MTAP: variants seen among roughly 807,000 people sequenced by gnomAD.
MTAP encodes methylthioadenosine phosphorylase.
Under a neutral mutation model 33.6 loss-of-function variants are expected in MTAP, and 33 were observed. The observed-to-expected ratio is 0.98, with a 90% CI of 0.74 to 1.31. MTAP has a LOEUF of 1.31. MTAP is among the 40% of genes most tolerant of loss of function. MTAP has a pLI of 0.00. For missense variants in MTAP, 367 were observed against 360.0 expected (o/e 1.02, Z -0.16); for synonymous variants, 148 against 125.7 (o/e 1.18, Z -1.19).
chr9:21,934,677 A>C (rs548858143), downstream of MTAP: 1 of 150,542 alleles, frequency 6.6e-6, no homozygotes, highest in Non-Finnish European at 1.5e-5. The surrounding 1 kb of genome is among the most constrained non-coding windows in gnomAD (Gnocchi z 5.0). Context: ...GCAAAAAAAC[A>C]AAAAAAAACA....
At chr9:21,832,787 T>TA (rs1199564797) in intron 4 of MTAP, among the ~76,000 whole-genome samples, 69 of 152,350 alleles carry the variant, frequency 4.5e-4, no homozygotes, top group African/African-American at 1.5e-3. Flanking sequence ...TAATCCCACT[T>TA]ACGGCATACA....
chr9:21,841,483 A>T (rs1825242837), intron 5 of MTAP, among the ~76,000 whole-genome samples: 2 of 152,276 alleles, frequency 1.3e-5, no homozygotes, highest in South Asian at 4.1e-4. Context: ...GAGAGCCAGC[A>T]CATTAAACAT....
chr9:21,830,377 T>A (rs1266668717), intron 4 of MTAP, among the ~76,000 whole-genome samples: 1 of 152,210 alleles, frequency 6.6e-6, no homozygotes, highest in Admixed American at 6.5e-5. Context: ...GCAGTAGGTT[T>A]CTTCAGTGCC....
chr9:21,919,318 C>G (rs1236292683), intron 1 of MTAP, among the ~76,000 whole-genome samples: 2 of 152,126 alleles, frequency 1.3e-5, no homozygotes, highest in African/African-American at 4.8e-5. Flanking sequence ...TTCCCCACTC[C>G]CTCTGTCCCT....
At chr9:21,859,067 C>T in intron 6 of MTAP, 1 of 379,504 alleles carries the variant, frequency 2.6e-6, no homozygotes, top group Non-Finnish European at 4.6e-6. Flanking sequence ...AAGAATAGCA[C>T]TGGGGCCTCT....
chr9:21,834,690 A>G (rs1368592932), intron 4 of MTAP, among the ~76,000 whole-genome samples: 2 of 152,252 alleles, frequency 1.3e-5, no homozygotes, highest in Non-Finnish European at 2.9e-5. Flanking sequence ...ATGTGAAGAC[A>G]TGCCGCACAC....
chr9:21,884,281 C>G, intron 1 of MTAP, among the ~76,000 whole-genome samples: 2 of 152,186 alleles, frequency 1.3e-5, no homozygotes, highest in Admixed American at 1.3e-4. Flanking sequence ...CGGTCATAGA[C>G]GTTTTGTTTT....
intron 1 of MTAP, among the ~76,000 whole-genome samples, chr9:21,913,427 A>G (rs887811200): frequency 2.0e-5 from 3 of 152,220 alleles, no homozygotes; most frequent in Non-Finnish European, 4.4e-5. Context: ...GTACCAAAAC[A>G]GAGATATAGA....
chr9:21,815,554 T>A, intron 2 of MTAP, 35 bp downstream of exon 2: 1 of 1,368,494 alleles, frequency 7.3e-7, no homozygotes, highest in Non-Finnish European at 1.0e-6. Context: ...TGTTTTTTAG[T>A]TTTTTCATTT....
At chr9:21,824,481 AC>A (rs757406897) in intron 4 of MTAP, among the ~76,000 whole-genome samples, 3 of 152,088 alleles carry the variant, frequency 2.0e-5, no homozygotes, top group Non-Finnish European at 4.4e-5. Context: ...TCAGAGGGGT[AC>A]CCAGCCGTGT....
intron 2 of MTAP, 119 bp from the exon 3 acceptor site, chr9:21,816,595 C>T (rs1222116037): frequency 2.5e-6 from 2 of 787,778 alleles, no homozygotes; most frequent in Non-Finnish European, 4.1e-6. Context: ...CTTGCCTCTT[C>T]TCTAAGTTGT....
At position 21,922,291 on chromosome 9, in the gene MTAP, C is replaced by G. The variant is rs1169101000; in HGVS notation, c.148-8717C>G. 6.6e-6 allele frequency among the ~76,000 whole-genome samples: 1 copy of G among 151,800 alleles called. No homozygotes were observed. The highest frequency in any genetic ancestry group is 1.5e-5 in the Non-Finnish European group (1 of 67,966). On this transcript the variant is annotated intron_variant, in intron 1 of 1. Transcript: ENST00000577563. The surrounding 1 kb of genome is among the most constrained non-coding windows in gnomAD (Gnocchi z 4.8). The stretch of plus-strand genomic sequence containing the variant: ...GGCAGGCCACTGTGCATGTGGATGG[C>G]CCACCCCAAGGAAAAATCAAGAGTG...
downstream of MTAP, chr9:21,932,779 A>G (rs1373643370): frequency 6.6e-6 from 1 of 151,762 alleles, no homozygotes; most frequent in African/African-American, 2.4e-5. Context: ...CATGTATAAA[A>G]CTCTTTCTCT....
intron 4 of MTAP, among the ~76,000 whole-genome samples, chr9:21,834,446 C>A (rs578155664): frequency 2.0e-5 from 3 of 152,210 alleles, no homozygotes; most frequent in Admixed American, 1.3e-4. Context: ...CAGACCTTAT[C>A]TTTTAGTTCT....
At chr9:21,894,849 A>G (rs972712962) in intron 1 of MTAP, among the ~76,000 whole-genome samples, 6 of 152,112 alleles carry the variant, frequency 3.9e-5, no homozygotes, top group African/African-American at 9.7e-5. Context: ...GTACAAAATC[A>G]ATGTATAAAA....
intron 1 of MTAP, among the ~76,000 whole-genome samples, chr9:21,918,408 G>A (rs538372224): frequency 6.6e-6 from 1 of 151,172 alleles, no homozygotes; most frequent in African/African-American, 2.4e-5. Flanking sequence ...CTCGATGGGG[G>A]AGGTTTGGAG....
intron 1 of MTAP, among the ~76,000 whole-genome samples, chr9:21,907,058 G>A (rs1350082578): frequency 6.6e-6 from 1 of 152,164 alleles, no homozygotes; most frequent in African/African-American, 2.4e-5. Flanking sequence ...TGGGTTAAGG[G>A]AGGTGAGTGG....
At chr9:21,869,605 A>T (rs368105497), downstream of MTAP, among the ~76,000 whole-genome samples, 125 of 152,218 alleles carry the variant, frequency 8.2e-4, no homozygotes, top group African/African-American at 3.0e-3. Context: ...TTCCCATCCC[A>T]GTCTAGCAGT....
chr9:21,874,556 T>C (rs374260520), intron 1 of MTAP, among the ~76,000 whole-genome samples: 1 of 152,156 alleles, frequency 6.6e-6, no homozygotes, highest in East Asian at 1.9e-4. Flanking sequence ...GAGACTTTGA[T>C]TGGTTGTTTT....
Sources: gnomAD v4.1 joint callset for allele counts (sites outside exome capture counted in the v4.1 genomes callset) on GRCh38, gnomAD v4.1.1 for gene constraint, Gnocchi (gnomAD v3.1) non-coding constraint, MANE v1.5 for transcripts, NCBI Gene and HGNC (gene_info 2026-07-23, HGNC 2026-07-21) for gene names.